Variants in MYCT1 observed in about 807,000 individuals in gnomAD.
MYCT1 encodes myc target protein 1.
A neutral mutation model predicts 15.0 loss-of-function variants in MYCT1; 12 were observed. The ratio of observed to expected loss-of-function variants is 0.80; its 90% confidence interval spans 0.51 to 1.29. MYCT1 has a LOEUF of 1.29. Ranked by LOEUF, MYCT1 falls within the 50% of genes most tolerant of loss-of-function variation. The probability of loss-of-function intolerance (pLI) is 0.00; values close to 1 mark genes in which losing one functional copy is unlikely to be tolerated. For synonymous variants in MYCT1, 104 were observed against 102.7 expected, an observed-to-expected ratio of 1.01 and a Z score of -0.07; for missense variants, 287 against 279.1, an observed-to-expected ratio of 1.03 and a Z score of -0.20.
At chr6:152,740,374 A>G in the MYCT1 span, among the ~76,000 whole-genome samples, 103 of 152,232 alleles carry the variant, frequency 6.8e-4, 1 homozygote, top group South Asian at 0.021. Flanking sequence ...TATTATCCCT[A>G]TCAAAAAAAG....
chr6:152,728,291 T>C (rs1039778198), downstream of MYCT1, among the ~76,000 whole-genome samples: 1 of 151,946 alleles, frequency 6.6e-6, no homozygotes, highest in Non-Finnish European at 1.5e-5. Context: ...GGGCAATGGG[T>C]GCCATTAAGT....
downstream of MYCT1, among the ~76,000 whole-genome samples, chr6:152,726,783 C>T (rs574440186): frequency 6.6e-6 from 1 of 152,306 alleles, no homozygotes; most frequent in South Asian, 2.1e-4. Context: ...GCCTGGCAAT[C>T]AGGTCACTGC....
the MYCT1 span, among the ~76,000 whole-genome samples, chr6:152,743,578 C>T: frequency 1.7e-4 from 26 of 152,286 alleles, no homozygotes; most frequent in African/African-American, 4.3e-4. Context: ...CCGGTAAATC[C>T]GGAGGGTCAC....
chr6:152,727,993 G>A (rs79535632), downstream of MYCT1, among the ~76,000 whole-genome samples: 113 of 152,024 alleles, frequency 7.4e-4, 1 homozygote, highest in East Asian at 1.7e-3. Flanking sequence ...ATGAAACGCC[G>A]TCTCTACTCA....
chr6:152,704,005 A>ATT (rs1193801349), intron 1 of MYCT1, among the ~76,000 whole-genome samples: 1 of 86,686 alleles, frequency 1.2e-5, no homozygotes, highest in African/African-American at 4.1e-5. Flanking sequence ...ATTTTATTTT[A>ATT]TTTTATTTTT....
At chr6:152,706,881 A>G (rs1193752041) in intron 1 of MYCT1, among the ~76,000 whole-genome samples, 2 of 136,034 alleles carry the variant, frequency 1.5e-5, no homozygotes, top group Admixed American at 7.2e-5. Flanking sequence ...GTGTATGCAT[A>G]TATATGTCAC....
intron 1 of MYCT1, among the ~76,000 whole-genome samples, chr6:152,717,125 C>G (rs769866387): frequency 6.6e-6 from 1 of 151,882 alleles, no homozygotes; most frequent in Non-Finnish European, 1.5e-5. Flanking sequence ...CACACAGTTT[C>G]TAAATTCTAG....
the MYCT1 span, among the ~76,000 whole-genome samples, chr6:152,732,627 A>G: frequency 1.7e-4 from 26 of 152,354 alleles, no homozygotes; most frequent in African/African-American, 4.6e-4. Context: ...TAGTTTTTAA[A>G]AAACTAAAGT....
chr6:152,745,103 A>T, the MYCT1 span, among the ~76,000 whole-genome samples: 1 of 152,154 alleles, frequency 6.6e-6, no homozygotes. Flanking sequence ...GCTCCATTCT[A>T]GGACAAATCT....
the MYCT1 span, among the ~76,000 whole-genome samples, chr6:152,733,203 A>G: frequency 6.6e-6 from 1 of 152,046 alleles, no homozygotes; most frequent in African/African-American, 2.4e-5. Flanking sequence ...TCCTGGGCTC[A>G]GGTGATCCTG....
chr6:152,744,987 G>A, the MYCT1 span, among the ~76,000 whole-genome samples: 2 of 152,156 alleles, frequency 1.3e-5, no homozygotes, highest in Non-Finnish European at 2.9e-5. Flanking sequence ...CTAAGGTGAG[G>A]AACCAGGTGG....
intron 1 of MYCT1, among the ~76,000 whole-genome samples, chr6:152,713,968 A>G (rs1410138019): frequency 6.6e-6 from 1 of 152,192 alleles, no homozygotes; most frequent in African/African-American, 2.4e-5. Flanking sequence ...AGCTACAAGC[A>G]TTTGGTCATT....
the MYCT1 span, among the ~76,000 whole-genome samples, chr6:152,736,487 C>G: frequency 1.3e-5 from 2 of 152,086 alleles, no homozygotes; most frequent in Non-Finnish European, 2.9e-5. Context: ...AGAAAACTTC[C>G]TGACCAGGTT....
chr6:152,716,282 A>T lies in MYCT1; in HGVS notation c.197-5460A>T, dbSNP rs76022538. Among the ~76,000 whole-genome samples the T allele has an allele frequency of 3.6e-3, 541 of 152,320 alleles. 4 individuals carry two copies. Among genetic ancestry groups the T allele is most frequent in the African/African-American group, 0.012 (519 of 41,582 alleles). On this transcript the variant is annotated intron_variant, in intron 1 of 1. Transcript: ENST00000367245. ...AATCAATCAAATTTCTATGCCCTAA[A>T]TATTATTCTCCCTAAAAGCCCTTTT...
At chr6:152,744,254 G>T in the MYCT1 span, among the ~76,000 whole-genome samples, 1 of 152,222 alleles carries the variant, frequency 6.6e-6, no homozygotes. Context: ...CAATTGGACA[G>T]ACCGGCTCGG....
chr6:152,741,785 T>C, the MYCT1 span, among the ~76,000 whole-genome samples: 2 of 152,158 alleles, frequency 1.3e-5, no homozygotes, highest in Admixed American at 6.5e-5. Context: ...TTCAGATGAC[T>C]TAAAGGACTA....
chr6:152,706,981 G>A (rs1296990058), intron 1 of MYCT1, among the ~76,000 whole-genome samples: 1 of 151,974 alleles, frequency 6.6e-6, no homozygotes. Context: ...TGGAAGTGCA[G>A]ATATCTCTTA....
At chr6:152,741,662 TA>T in the MYCT1 span, among the ~76,000 whole-genome samples, 23 of 152,320 alleles carry the variant, frequency 1.5e-4, no homozygotes, top group Middle Eastern at 3.4e-3. Context: ...GTATGATTTT[TA>T]TAGAAAATAT....
chr6:152,746,547 G>C, the MYCT1 span, among the ~76,000 whole-genome samples: 18 of 152,194 alleles, frequency 1.2e-4, no homozygotes, highest in Non-Finnish European at 2.2e-4. Flanking sequence ...TGAAATCATG[G>C]AAAGAGAAAC....
Sources: allele counts gnomAD v4.1 joint callset (sites outside exome capture counted in the v4.1 genomes callset), GRCh38; gene constraint gnomAD v4.1.1; transcripts MANE v1.5; gene names NCBI Gene and HGNC (gene_info 2026-07-23, HGNC 2026-07-21).